The following CTNND2 variants were observed in gnomAD, a reference collection of about 807,000 sequenced individuals.
CTNND2 encodes catenin delta 2.
In CTNND2, 22 loss-of-function variants were observed where a neutral mutation model predicts 144.4. That is an observed-to-expected ratio of 0.15 (90% CI 0.11 to 0.22). CTNND2 has a LOEUF of 0.22. Among genes scored for constraint, CTNND2 ranks in the 10% least tolerant of loss-of-function variants. CTNND2 has a pLI of 1.00. For missense variants in CTNND2, 1,353 were observed against 1,618.8 expected (o/e 0.84, Z 2.82); for synonymous variants, 751 against 695.6 (o/e 1.08, Z -1.25).
chr5:11,362,322 A>T lies in CTNND2; in HGVS notation c.1372+2374T>A, dbSNP rs1581016039. Among the ~76,000 whole-genome samples the T allele has an allele frequency of 1.3e-5, 2 of 152,210 alleles. 1 individual carries two copies. Among genetic ancestry groups the T allele is most frequent in the Non-Finnish European group, 2.9e-5 (2 of 68,040 alleles). On this transcript the variant is annotated intron_variant, in intron 8 of 21. Coordinates refer to ENST00000304623, the MANE Select transcript of CTNND2 (RefSeq NM_001332.4). ...AATAATATTATATATGATGTCTTTAATATCTAAATAAAAAGACATATACAC... is the reference window on the plus strand; with the variant it reads ...AATAATATTATATATGATGTCTTTATTATCTAAATAAAAAGACATATACAC...
intron 15 of CTNND2, 32 bp downstream of exon 15, chr5:11,098,543 G>C (rs948455682): frequency 2.0e-5 from 31 of 1,581,472 alleles, no homozygotes; most frequent in Non-Finnish European, 2.7e-5. Context: ...CATAACTCCA[G>C]ATTTCTTTTT....
intron 2 of CTNND2, among the ~76,000 whole-genome samples, chr5:11,592,022 T>G (rs1581576830): frequency 6.6e-6 from 1 of 151,828 alleles, no homozygotes; most frequent in African/African-American, 2.4e-5. Context: ...TTGGGACTTG[T>G]CCTTCATAGA....
chr5:11,465,415 T>C (rs957824140), intron 3 of CTNND2, among the ~76,000 whole-genome samples: 2 of 152,108 alleles, frequency 1.3e-5, no homozygotes, highest in African/African-American at 4.8e-5. Context: ...TTTGTGCAAC[T>C]GGTAAAAATT....
intron 14 of CTNND2, 90 bp from the exon 15 acceptor site, chr5:11,098,838 A>G: frequency 8.3e-7 from 1 of 1,208,068 alleles, no homozygotes; most frequent in Non-Finnish European, 1.2e-6. Flanking sequence ...CGAAAACAAA[A>G]GCAGAGTGCT....
At chr5:11,721,147 A>G (rs1455307054) in intron 2 of CTNND2, among the ~76,000 whole-genome samples, 1 of 152,228 alleles carries the variant, frequency 6.6e-6, no homozygotes, top group Non-Finnish European at 1.5e-5. Context: ...AAAGTAATGA[A>G]ATCCCGATGC....
chr5:10,975,964 C>T (rs1032327735), intron 21 of CTNND2, among the ~76,000 whole-genome samples: 12 of 152,168 alleles, frequency 7.9e-5, no homozygotes, highest in African/African-American at 2.4e-5. Context: ...GCCTCTTACC[C>T]CAGAGAATTA....
intron 11 of CTNND2, among the ~76,000 whole-genome samples, chr5:11,169,160 A>C (rs896899628): frequency 6.6e-6 from 1 of 152,080 alleles, no homozygotes; most frequent in Non-Finnish European, 1.5e-5. Context: ...ATGGTTCCCC[A>C]CCTTGCAATA....
chr5:11,348,302 T>C (rs1026979293), intron 8 of CTNND2, among the ~76,000 whole-genome samples: 4 of 152,090 alleles, frequency 2.6e-5, no homozygotes, highest in South Asian at 2.1e-4. Flanking sequence ...AATTTATGCA[T>C]AATGTGCCTT....
intron 7 of CTNND2, among the ~76,000 whole-genome samples, chr5:11,367,483 A>G (rs1176700571): frequency 6.6e-6 from 1 of 152,222 alleles, no homozygotes; most frequent in Non-Finnish European, 1.5e-5. Context: ...GATGGTGTAT[A>G]TATTTGCTGA....
At chr5:11,883,594 G>T (rs1431736300) in intron 1 of CTNND2, among the ~76,000 whole-genome samples, 1 of 152,142 alleles carries the variant, frequency 6.6e-6, no homozygotes, top group Non-Finnish European at 1.5e-5. Flanking sequence ...TGGGCATTTG[G>T]GTTGGTTCCA....
chr5:10,974,203 T>A (rs61752744), intron 21 of CTNND2, among the ~76,000 whole-genome samples: 2,525 of 152,336 alleles, frequency 0.017, 43 homozygotes, highest in Non-Finnish European at 0.02. Context: ...CTTGTGTGAC[T>A]GGCTTCTTTC....
chr5:11,128,770 T>TAGATATA (rs1386282974), intron 12 of CTNND2, among the ~76,000 whole-genome samples: 609 of 40,212 alleles, frequency 0.015, 19 homozygotes, highest in Non-Finnish European at 0.025. Flanking sequence ...ATATATATAT[T>TAGATATA]ATATATAAAA....
At chr5:11,781,428 G>T (rs1196743617) in intron 1 of CTNND2, among the ~76,000 whole-genome samples, 2 of 152,146 alleles carry the variant, frequency 1.3e-5, no homozygotes, top group South Asian at 4.1e-4. Flanking sequence ...GCCAGCCTCC[G>T]CCCTTTAGGA....
chr5:11,366,458 C>T (rs1049849731), intron 7 of CTNND2, among the ~76,000 whole-genome samples: 1 of 152,096 alleles, frequency 6.6e-6, no homozygotes, highest in Non-Finnish European at 1.5e-5. Context: ...TAATTAAATT[C>T]TGATTTAGAT....
intron 2 of CTNND2, among the ~76,000 whole-genome samples, chr5:11,612,131 T>G (rs1456083652): frequency 6.6e-6 from 1 of 152,218 alleles, no homozygotes; most frequent in South Asian, 2.1e-4. Flanking sequence ...TGTATATATA[T>G]GATCAGGCTG....
intron 1 of CTNND2, among the ~76,000 whole-genome samples, chr5:11,845,480 C>T (rs1344567295): frequency 6.6e-6 from 1 of 152,080 alleles, no homozygotes; most frequent in Admixed American, 6.5e-5. Context: ...TCCAATATGA[C>T]TAGTGTCCTT....
intron 2 of CTNND2, among the ~76,000 whole-genome samples, chr5:11,626,487 T>C (rs1341633804): frequency 6.6e-6 from 1 of 152,192 alleles, no homozygotes; most frequent in African/African-American, 2.4e-5. Flanking sequence ...ACATTGCTAA[T>C]TGTAAAATTA....
chr5:11,140,134 G>A (rs1756580885), intron 12 of CTNND2, among the ~76,000 whole-genome samples: 1 of 152,170 alleles, frequency 6.6e-6, no homozygotes, highest in Admixed American at 6.5e-5. Flanking sequence ...GGTCTTCACA[G>A]GTTTTTGGTG....
intron 3 of CTNND2, among the ~76,000 whole-genome samples, chr5:11,430,232 G>A (rs10040466): frequency 0.072 from 9,953 of 138,476 alleles, 404 homozygotes; most frequent in African/African-American, 0.095. Flanking sequence ...CTGGGCAACA[G>A]GGTTAGACTC....
Sources: gnomAD v4.1 joint callset for allele counts (sites outside exome capture counted in the v4.1 genomes callset) on GRCh38, gnomAD v4.1.1 for gene constraint, MANE v1.5 for transcripts, NCBI Gene and HGNC (gene_info 2026-07-23, HGNC 2026-07-21) for gene names.